Variants in PRKG1 observed in about 807,000 individuals in gnomAD.
The protein encoded by PRKG1 is protein kinase cGMP-dependent 1.
In PRKG1, 35 loss-of-function variants were observed where a neutral mutation model predicts 88.1. The observed-to-expected ratio is 0.40, with a 90% CI of 0.30 to 0.53. The LOEUF (loss-of-function observed/expected upper bound fraction) is 0.53, where lower values mean the gene tolerates loss of function less well. Ranked by LOEUF, PRKG1 falls within the 20% of genes least tolerant of loss-of-function variation. The pLI, the probability that PRKG1 is intolerant of heterozygous loss-of-function variation, is 0.59. For synonymous variants in PRKG1, 303 were observed against 292.5 expected, an observed-to-expected ratio of 1.04 and a Z score of -0.37; for missense variants, 540 against 839.8, an observed-to-expected ratio of 0.64 and a Z score of 4.41.
At chr10:51,717,155 G>A (rs1841906270) in intron 3 of PRKG1, among the ~76,000 whole-genome samples, 1 of 152,214 alleles carries the variant, frequency 6.6e-6, no homozygotes, top group Non-Finnish European at 1.5e-5. Context: ...ACCCAGGTCT[G>A]AAAATAGAGC....
At chr10:51,282,610 A>C (rs550843588) in intron 2 of PRKG1, among the ~76,000 whole-genome samples, 1 of 152,340 alleles carries the variant, frequency 6.6e-6, no homozygotes, top group African/African-American at 2.4e-5. Flanking sequence ...CCTTTTAAAT[A>C]ATACAGAAGT....
In PRKG1 at chr10:50,991,590, A is replaced by T; in HGVS notation, c.212A>T (p.Tyr71Phe). Residue 71 changes from tyrosine (Y) to phenylalanine (F), a missense_variant, in exon 1 of 18, where the codon TAC (tyrosine) becomes TTC (phenylalanine). Tyr to Phe is a conservative substitution (Grantham distance 22). Transcript: ENST00000401604. This position sits in a 1 kb window ranked among gnomAD's most constrained non-coding sequence, Gnocchi z 4.5. ...GGCATCTCGGCCGAGCCGCAGACGT[A>T]CAGGTCCTTCCACGACCTCCGACAG... 6.3e-7 allele frequency: 1 copy of T among 1,593,622 alleles called. No homozygotes were observed.
At chr10:51,099,049 A>G (rs1739376997) in intron 1 of PRKG1, among the ~76,000 whole-genome samples, 1 of 152,196 alleles carries the variant, frequency 6.6e-6, no homozygotes, top group African/African-American at 2.4e-5. Flanking sequence ...CACAGTCTAT[A>G]GAACATTGCC....
At chr10:51,634,110 A>G (rs544084681) in intron 3 of PRKG1, among the ~76,000 whole-genome samples, 1 of 152,284 alleles carries the variant, frequency 6.6e-6, no homozygotes, top group South Asian at 2.1e-4. Flanking sequence ...CTAAGGCAGA[A>G]TGAAATGTGT....
Position 52,251,981 on chromosome 10 carries a change from T to C in PRKG1, c.1173+315T>C, listed in dbSNP as rs555847825. The C allele has an allele frequency of 1.3e-4, 27 of 203,532 alleles. No individual in the cohort carries two copies. The South Asian group carries it at 2.7e-3, about 20-fold the overall frequency. 12.6% of individuals were successfully genotyped at this position (203,532 alleles called of 1,614,324 possible). ...TTACCCAACTAATTTTCTATAATCT[T>C]TATTTCCTTAGTTCTGAGTGGTGCT... On this transcript the variant is annotated intron_variant, in intron 10 of 17. Transcript: ENST00000373980.
intron 2 of PRKG1, among the ~76,000 whole-genome samples, chr10:51,450,749 C>T (rs1243708692): frequency 6.6e-6 from 1 of 151,514 alleles, no homozygotes; most frequent in Non-Finnish European, 1.5e-5. Context: ...TTAGACTGAC[C>T]TAAGAGTGCT....
intron 5 of PRKG1, among the ~76,000 whole-genome samples, chr10:51,993,558 T>A (rs1278477170): frequency 6.6e-6 from 1 of 152,158 alleles, no homozygotes; most frequent in Non-Finnish European, 1.5e-5. Context: ...TTGCTTTAAT[T>A]TATGTAGCTA....
intron 5 of PRKG1, among the ~76,000 whole-genome samples, chr10:51,984,001 A>C (rs1262058506): frequency 7.9e-5 from 12 of 152,218 alleles, no homozygotes; most frequent in Admixed American, 7.9e-4. Flanking sequence ...AATTGGCCAT[A>C]TATGTAGTTC....
chr10:51,363,426 T>C (rs1158081765), intron 2 of PRKG1, among the ~76,000 whole-genome samples: 1 of 151,932 alleles, frequency 6.6e-6, no homozygotes, highest in Non-Finnish European at 1.5e-5. Context: ...GCTGATTCAT[T>C]TCTTTGCCGA....
chr10:51,935,523 A>G (rs1220339987), intron 5 of PRKG1, among the ~76,000 whole-genome samples: 1 of 152,128 alleles, frequency 6.6e-6, no homozygotes, highest in Non-Finnish European at 1.5e-5. Flanking sequence ...TGGAGCACAG[A>G]TAACCAGACA....
At chr10:51,745,795 G>T (rs1837561351) in intron 3 of PRKG1, among the ~76,000 whole-genome samples, 1 of 152,144 alleles carries the variant, frequency 6.6e-6, no homozygotes, top group Admixed American at 6.5e-5. Flanking sequence ...GATCATTTGA[G>T]GTCAGGAGTT....
chr10:51,871,310 T>G (rs1841151636), intron 4 of PRKG1, among the ~76,000 whole-genome samples: 1 of 152,216 alleles, frequency 6.6e-6, no homozygotes, highest in Non-Finnish European at 1.5e-5. Flanking sequence ...TTGTGATTTT[T>G]TATAACTGGA....
intron 3 of PRKG1, among the ~76,000 whole-genome samples, chr10:51,795,143 C>T (rs151024493): frequency 1.2e-4 from 19 of 152,022 alleles, no homozygotes; most frequent in African/African-American, 4.1e-4. Flanking sequence ...TGGTTTCCAA[C>T]AATTATTGGA....
intron 2 of PRKG1, among the ~76,000 whole-genome samples, chr10:51,357,034 G>A (rs1842380871): frequency 6.6e-6 from 1 of 151,992 alleles, no homozygotes; most frequent in African/African-American, 2.4e-5. Context: ...AATAACTGTG[G>A]TGGCCCAGGA....
intron 2 of PRKG1, among the ~76,000 whole-genome samples, chr10:51,346,490 G>T (rs1453923817): frequency 6.6e-6 from 1 of 152,086 alleles, no homozygotes; most frequent in East Asian, 1.9e-4. Flanking sequence ...TTTCTCAAGT[G>T]AAATTTTGAG....
intron 5 of PRKG1, among the ~76,000 whole-genome samples, chr10:51,937,571 C>A (rs1842822493): frequency 6.6e-6 from 1 of 152,042 alleles, no homozygotes; most frequent in African/African-American, 2.4e-5. Context: ...CATCTGTATT[C>A]AAAGATTCTC....
chr10:51,339,929 T>G (rs1841966729), intron 2 of PRKG1, among the ~76,000 whole-genome samples: 1 of 152,138 alleles, frequency 6.6e-6, no homozygotes, highest in Admixed American at 6.5e-5. Context: ...GAAGACTTGC[T>G]GAGACAAGAT....
At chr10:51,943,929 T>C (rs1276598376) in intron 5 of PRKG1, among the ~76,000 whole-genome samples, 2 of 152,020 alleles carry the variant, frequency 1.3e-5, no homozygotes, top group African/African-American at 4.8e-5. Context: ...TTTGGTTGTG[T>C]CTCTGCCCGG....
At chr10:51,699,463 C>T (rs776352825) in intron 3 of PRKG1, 4 of 1,614,020 alleles carry the variant, frequency 2.5e-6, no homozygotes, top group Admixed American at 1.7e-5. Context: ...TTAACTGCTC[C>T]TCAGTTGCCT....
Sources: gnomAD v4.1 joint callset for allele counts (sites outside exome capture counted in the v4.1 genomes callset) on GRCh38, gnomAD v4.1.1 for gene constraint, Gnocchi (gnomAD v3.1) non-coding constraint, MANE v1.5 for transcripts, NCBI Gene and HGNC (gene_info 2026-07-23, HGNC 2026-07-21) for gene names.